CNTN5: variants seen among roughly 807,000 people sequenced by gnomAD.
CNTN5 encodes the protein contactin-5.
A neutral mutation model predicts 129.1 loss-of-function variants in CNTN5; 77 were observed. That is an observed-to-expected ratio of 0.60 (90% CI 0.50 to 0.72). CNTN5 has a LOEUF of 0.72. Ranked by LOEUF, CNTN5 falls within the 30% of genes least tolerant of loss-of-function variation. The pLI is 0.00. For synonymous variants in CNTN5, 509 were observed against 465.6 expected (o/e 1.09, Z -1.20); for missense variants, 1,478 against 1,328.8 (o/e 1.11, Z -1.75).
chr11:99,794,249 C>CT (rs1056122946), intron 3 of CNTN5, among the ~76,000 whole-genome samples: 4 of 148,284 alleles, frequency 2.7e-5, no homozygotes, highest in Admixed American at 6.7e-5. Context: ...GCAATCATTG[C>CT]TTTTTTTTCT....
chr11:100,188,309 C>T lies in CNTN5; in HGVS notation c.1581-2817C>T, dbSNP rs1363514099. ...ACATACAAAAATTAGCCGGGTGTAG[C>T]GGGCCACAGGGGGCGAGGAGAGACC... On this transcript the variant is annotated intron_variant, in intron 13 of 24. Coordinates refer to ENST00000524871, the MANE Select transcript of CNTN5 (RefSeq NM_014361.4). Among the ~76,000 whole-genome samples, 9 of 151,942 alleles carry T rather than the reference C, an allele frequency of 5.9e-5. No individual in the cohort carries two copies. The South Asian group carries it at 1.0e-3, about 18-fold the overall frequency.
At chr11:99,679,772 GC>G (rs1209662411) in intron 3 of CNTN5, among the ~76,000 whole-genome samples, 3 of 152,220 alleles carry the variant, frequency 2.0e-5, no homozygotes, top group African/African-American at 7.2e-5. Flanking sequence ...TTACACTTAG[GC>G]GGGCATGGCG....
At position 100,080,415 on chromosome 11, in the gene CNTN5, G is replaced by A. The variant is rs142091051; in HGVS notation, c.1580+6121G>A. On this transcript the variant is annotated intron_variant, in intron 13 of 24. Transcript: ENST00000524871. Reference sequence around the variant, plus strand: ...GCAAAATTTTCAACTTATTTAACACGCATAGAAAATTGCACTAGAAATACC... The same window carrying A: ...GCAAAATTTTCAACTTATTTAACACACATAGAAAATTGCACTAGAAATACC... 5.3e-5 allele frequency among the ~76,000 whole-genome samples: 8 copies of A among 152,180 alleles called. No homozygotes were observed. The East Asian group carries it at 7.7e-4, about 15-fold the overall frequency.
chr11:99,341,263 A>T (rs1866502159), intron 2 of CNTN5, among the ~76,000 whole-genome samples: 1 of 152,200 alleles, frequency 6.6e-6, no homozygotes, highest in Non-Finnish European at 1.5e-5. Context: ...TTTAAAATAG[A>T]TGTAAATATG....
At chr11:99,690,143 A>G (rs1953978830) in intron 3 of CNTN5, among the ~76,000 whole-genome samples, 2 of 152,274 alleles carry the variant, frequency 1.3e-5, no homozygotes, top group South Asian at 2.1e-4. Context: ...AATTTTCTGC[A>G]TATGGCTAGC....
intron 1 of CNTN5, among the ~76,000 whole-genome samples, chr11:99,097,196 C>T (rs1866507853): frequency 6.6e-6 from 1 of 151,902 alleles, no homozygotes; most frequent in Non-Finnish European, 1.5e-5. Flanking sequence ...GTCTTTTAAT[C>T]CAATGTCCCT....
chr11:100,188,371 A>T (rs1035164958), intron 13 of CNTN5, among the ~76,000 whole-genome samples: 6 of 152,144 alleles, frequency 3.9e-5, no homozygotes, highest in Non-Finnish European at 7.4e-5. Flanking sequence ...CCAGAGGTTG[A>T]GGCTGCAGCG....
intron 3 of CNTN5, among the ~76,000 whole-genome samples, chr11:99,686,251 A>G (rs1034972537): frequency 6.6e-6 from 1 of 151,976 alleles, no homozygotes; most frequent in Non-Finnish European, 1.5e-5. Context: ...TGCGTCTCTA[A>G]TGCTTATTTA....
intron 6 of CNTN5, among the ~76,000 whole-genome samples, chr11:99,900,368 G>A (rs1949323349): frequency 6.6e-6 from 1 of 150,500 alleles, no homozygotes; most frequent in Admixed American, 6.6e-5. Flanking sequence ...TGCATCTCTG[G>A]AAAAAAAACA....
At chr11:99,555,313 A>G (rs1007320892) in intron 2 of CNTN5, among the ~76,000 whole-genome samples, 8 of 152,130 alleles carry the variant, frequency 5.3e-5, no homozygotes, top group African/African-American at 1.9e-4. Flanking sequence ...GCTTTGCGCC[A>G]AGGAGAACAT....
chr11:99,448,217 C>T (rs948039186), intron 2 of CNTN5, among the ~76,000 whole-genome samples: 9 of 152,042 alleles, frequency 5.9e-5, no homozygotes, highest in African/African-American at 2.2e-4. Flanking sequence ...AACTGAGAAG[C>T]ATCATGCAGA....
intron 1 of CNTN5, among the ~76,000 whole-genome samples, chr11:99,267,761 G>T (rs1862970925): frequency 6.6e-6 from 1 of 151,890 alleles, no homozygotes; most frequent in African/African-American, 2.4e-5. Flanking sequence ...ATATTCTAAT[G>T]CACTAACACA....
At chr11:100,009,127 T>C (rs1486427297) in intron 9 of CNTN5, among the ~76,000 whole-genome samples, 1 of 152,114 alleles carries the variant, frequency 6.6e-6, no homozygotes, top group Non-Finnish European at 1.5e-5. Flanking sequence ...CATTTGAAGT[T>C]AGGTAAAAAG....
At chr11:99,886,483 C>A (rs911368015) in intron 6 of CNTN5, among the ~76,000 whole-genome samples, 4 of 152,004 alleles carry the variant, frequency 2.6e-5, no homozygotes, top group African/African-American at 9.7e-5. Flanking sequence ...ATATTTTATA[C>A]CATTTGATGT....
chr11:100,275,772 A>G (rs940164483), intron 18 of CNTN5, among the ~76,000 whole-genome samples: 2 of 152,158 alleles, frequency 1.3e-5, no homozygotes, highest in South Asian at 2.1e-4. Context: ...TGCACGAAGT[A>G]CTCTCCTTTG....
chr11:99,137,043 T>G (rs1346108575), intron 1 of CNTN5, among the ~76,000 whole-genome samples: 1 of 152,172 alleles, frequency 6.6e-6, no homozygotes, highest in Non-Finnish European at 1.5e-5. Flanking sequence ...CTTACATTCT[T>G]GCTGATGTTT....
intron 8 of CNTN5, among the ~76,000 whole-genome samples, chr11:99,999,875 G>C (rs1428736746): frequency 3.9e-5 from 6 of 152,032 alleles, no homozygotes; most frequent in African/African-American, 1.4e-4. Flanking sequence ...GATGAAATTG[G>C]AAATCATCAT....
chr11:100,344,638 T>TA (rs1952239813), intron 23 of CNTN5, among the ~76,000 whole-genome samples: 1 of 152,104 alleles, frequency 6.6e-6, no homozygotes, highest in South Asian at 2.1e-4. Flanking sequence ...TAGATGAGAA[T>TA]AATTTGAGTG....
intron 1 of CNTN5, among the ~76,000 whole-genome samples, chr11:99,074,674 A>T (rs1865486775): frequency 6.6e-6 from 1 of 152,112 alleles, no homozygotes; most frequent in African/African-American, 2.4e-5. Context: ...GTCACTTATA[A>T]ATATCTGTTT....
Sources: gnomAD v4.1 joint callset for allele counts (sites outside exome capture counted in the v4.1 genomes callset) on GRCh38, gnomAD v4.1.1 for gene constraint, MANE v1.5 for transcripts, NCBI Gene and HGNC (gene_info 2026-07-23, HGNC 2026-07-21) for gene names.